ZFP91: variants seen among roughly 807,000 people sequenced by gnomAD.
The protein encoded by ZFP91 is E3 ubiquitin-protein ligase ZFP91.
ZFP91 carries 7 observed loss-of-function variants against 63.5 expected under a neutral mutation model. That is an observed-to-expected ratio of 0.11 (90% confidence interval 0.06 to 0.21). The LOEUF (loss-of-function observed/expected upper bound fraction) is 0.21. Ranked by LOEUF, ZFP91 falls within the 10% of genes least tolerant of loss-of-function variation. The probability of loss-of-function intolerance (pLI) is 1.00; values close to 1 mark genes in which losing one functional copy is unlikely to be tolerated. For missense variants in ZFP91, 628 were observed against 736.6 expected, an observed-to-expected ratio of 0.85 and a Z score of 1.71; for synonymous variants, 330 against 272.1, an observed-to-expected ratio of 1.21 and a Z score of -2.10.
intron 2 of ZFP91, among the ~76,000 whole-genome samples, chr11:58,587,496 A>G: frequency 6.6e-6 from 1 of 152,216 alleles, no homozygotes; most frequent in East Asian, 1.9e-4. Flanking sequence ...CAAAAGTTAA[A>G]AAGGAAAAAT....
intron 1 of ZFP91, among the ~76,000 whole-genome samples, chr11:58,583,877 CAT>C (rs1432066221): frequency 2.0e-5 from 3 of 151,940 alleles, no homozygotes; most frequent in Non-Finnish European, 4.4e-5. Context: ...CATATTGTAA[CAT>C]AATAGAGTCT....
chr11:58,593,179 A>G (rs561006630), intron 2 of ZFP91, among the ~76,000 whole-genome samples: 3 of 152,322 alleles, frequency 2.0e-5, no homozygotes, highest in East Asian at 1.9e-4. Flanking sequence ...ACCACAGTTA[A>G]TAATAATGTA....
chr11:58,610,111 TGTG>T, intron 3 of ZFP91, 72 bp downstream of exon 3: 1 of 1,552,278 alleles, frequency 6.4e-7, no homozygotes, highest in Non-Finnish European at 8.8e-7. Flanking sequence ...GTTGAACATT[TGTG>T]TTAACAGCTT....
chr11:58,584,579 G>A (rs1855172528), intron 1 of ZFP91, among the ~76,000 whole-genome samples: 1 of 152,080 alleles, frequency 6.6e-6, no homozygotes. Flanking sequence ...GCTCTGTGCT[G>A]TCAGTTATGT....
In ZFP91 at chr11:58,579,453, C is replaced by A. The variant is rs1299365217; in HGVS notation, c.172C>A (p.Arg58=). The change falls in exon 1 of 11, where the codon CGG becomes AGG. Residue 58 remains arginine, a synonymous_variant. Coordinates refer to ENST00000316059, the MANE Select transcript of ZFP91 (RefSeq NM_053023.5). ...RVLRGGRDRG[R]AAAAAAAAAV... ...GCTGAGGGGAGGTCGGGACCGAGGC[C>A]GGGCCGCTGCGGCCGCCGCCGCCGC... The A allele has an allele frequency of 2.8e-6, 4 of 1,433,998 alleles. No individual in the cohort carries two copies. 88.8% of individuals were successfully genotyped at this position (1,433,998 alleles called of 1,614,324 possible).
In ZFP91 at chr11:58,612,310, C is replaced by T. The variant is rs750034172; in HGVS notation, c.890C>T (p.Pro297Leu). 6.2e-7 allele frequency: 1 copy of T among 1,613,540 alleles called. No individual in the cohort carries two copies. Among genetic ancestry groups the T allele is most frequent in the Non-Finnish European group, 8.5e-7 (1 of 1,179,684 alleles). Residue 297 changes from proline (P) to leucine (L), a missense_variant, in exon 7 of 11, where the codon CCA (proline) becomes CTA (leucine). Around this residue, in one of 3 missense-constraint regions of ZFP91, gnomAD observed 76 missense variants for 230.9 expected, o/e 0.33. Coordinates refer to ENST00000316059, the MANE Select transcript of ZFP91 (RefSeq NM_053023.5). The stretch of plus-strand genomic sequence containing the variant: ...AGAAGACGAAAAGATGACAAAAGTC[C>T]ACGTTTACCCAAAAGGAGGTGAGGA... Reference protein sequence around the residue: ...RGRRRKDDKSPRLPKRRKKPP... With the variant: ...RGRRRKDDKSLRLPKRRKKPP...
At position 58,617,561 on chromosome 11, in the gene ZFP91, C is replaced by T. The variant is rs755957033; in HGVS notation, c.1568C>T (p.Thr523Met). 29 of 1,613,026 alleles carry T rather than the reference C, an allele frequency of 1.8e-5. No homozygotes were observed. The highest frequency in any genetic ancestry group is 2.1e-5 in the Non-Finnish European group (25 of 1,179,618). Residue 523 changes from threonine to methionine, a missense_variant, in exon 11 of 11, where the codon ACG (threonine) becomes ATG (methionine). By Grantham distance (81) the Thr-to-Met change is moderately conservative. Transcript: ENST00000316059. The surrounding 1 kb of genome is among the most constrained non-coding windows in gnomAD (Gnocchi z 4.2). ...ATGTCAAAGTCATACTGCAGTGGGA[C>T]GGAACGGGTGAGCCTGATGGCTGAT... ...EGMSKSYCSG[T>M]ERVSLMADGK...
At chr11:58,614,589 A>AAT (rs1044125079) in intron 9 of ZFP91, among the ~76,000 whole-genome samples, 7 of 152,178 alleles carry the variant, frequency 4.6e-5, no homozygotes, top group Admixed American at 3.3e-4. Flanking sequence ...TTGAGCATTT[A>AAT]TTCTGTATCA....
intron 1 of ZFP91, among the ~76,000 whole-genome samples, chr11:58,584,158 C>T (rs1855165247): frequency 6.6e-6 from 1 of 151,952 alleles, no homozygotes; most frequent in Admixed American, 6.6e-5. Context: ...AAGCTCTTTA[C>T]TGTTGCTTTT....
chr11:58,579,233 C>T lies in ZFP91; in HGVS notation c.-49C>T, dbSNP rs911693260. ...GGGGGAGCAGCGCCGAGGCCGCCGC[C>T]TCCGCCTCCGCCGCCTAGGACTAGG... is the stretch of plus-strand genomic sequence containing the variant. On this transcript the variant is annotated 5_prime_UTR_variant, in exon 1 of 11. Transcript: ENST00000316059. The T allele has an allele frequency of 8.1e-6, 11 of 1,356,142 alleles. No individual in the cohort carries two copies. Among genetic ancestry groups the T allele is most frequent in the African/African-American group, 6.3e-5 (4 of 63,912 alleles). 84.0% of individuals were successfully genotyped at this position (1,356,142 alleles called of 1,614,324 possible).
At chr11:58,609,570 A>G (rs1440569145) in intron 2 of ZFP91, among the ~76,000 whole-genome samples, 1 of 152,226 alleles carries the variant, frequency 6.6e-6, no homozygotes, top group African/African-American at 2.4e-5. Context: ...TGTATTTTGC[A>G]TAGTTAGCAT....
intron 2 of ZFP91, 94 bp from the exon 3 acceptor site, chr11:58,609,736 A>C: frequency 3.6e-6 from 4 of 1,100,354 alleles, no homozygotes; most frequent in Non-Finnish European, 3.9e-6. Context: ...AAAATATTTA[A>C]TTTATCTTCA....
chr11:58,583,780 A>G (rs942353895), intron 1 of ZFP91, among the ~76,000 whole-genome samples: 12 of 152,134 alleles, frequency 7.9e-5, no homozygotes, highest in Admixed American at 2.0e-4. Flanking sequence ...AAAGTATGGA[A>G]CAAACAGTGA....
At chr11:58,585,941 A>G (rs1320177879) in intron 2 of ZFP91, among the ~76,000 whole-genome samples, 1 of 151,700 alleles carries the variant, frequency 6.6e-6, no homozygotes, top group Non-Finnish European at 1.5e-5. Flanking sequence ...GAATTTTGGA[A>G]TGTGAGTCTA....
At chr11:58,590,333 A>G (rs1217118796) in intron 2 of ZFP91, among the ~76,000 whole-genome samples, 2 of 152,252 alleles carry the variant, frequency 1.3e-5, no homozygotes, top group Non-Finnish European at 2.9e-5. Flanking sequence ...CTTTAGCTTC[A>G]TAACAAACCA....
chr11:58,610,177 C>T (rs1590627519), intron 3 of ZFP91, 121 bp from the exon 4 acceptor site: 3 of 1,408,366 alleles, frequency 2.1e-6, no homozygotes, highest in East Asian at 2.3e-5. Context: ...GAACAGTTTG[C>T]AGATATTCTG....
intron 2 of ZFP91, among the ~76,000 whole-genome samples, chr11:58,596,508 C>T (rs1464416929): frequency 6.6e-6 from 1 of 152,144 alleles, no homozygotes; most frequent in Admixed American, 6.5e-5. Context: ...GCCAGAATTT[C>T]TAAGTTTTTA....
chr11:58,601,609 ATT>A (rs1236670108), intron 2 of ZFP91, among the ~76,000 whole-genome samples: 1 of 141,752 alleles, frequency 7.1e-6, no homozygotes, highest in African/African-American at 2.6e-5. Flanking sequence ...CAGGCATGTG[ATT>A]TTTTTTTTTT....
At chr11:58,582,992 A>G (rs1235930810) in intron 1 of ZFP91, among the ~76,000 whole-genome samples, 2 of 152,138 alleles carry the variant, frequency 1.3e-5, no homozygotes, top group Non-Finnish European at 2.9e-5. Flanking sequence ...TAAGAGTAAG[A>G]CTGATCATTT....
Sources: allele counts gnomAD v4.1 joint callset (sites outside exome capture counted in the v4.1 genomes callset), GRCh38; gene constraint gnomAD v4.1.1; regional missense constraint gnomAD v4.1.1; non-coding constraint Gnocchi (gnomAD v3.1); transcripts MANE v1.5; gene names NCBI Gene and HGNC (gene_info 2026-07-23, HGNC 2026-07-21).